CNNM1: variants seen among roughly 807,000 people sequenced by gnomAD.
CNNM1 encodes the protein cyclin and CBS domain divalent metal cation transport mediator 1, also known as metal transporter CNNM1.
CNNM1 carries 44 observed loss-of-function variants against 78.8 expected under a neutral mutation model. That is an observed-to-expected ratio of 0.56 (90% CI 0.44 to 0.72). The LOEUF (loss-of-function observed/expected upper bound fraction) is 0.72. Among genes scored for constraint, CNNM1 ranks in the 30% least tolerant of loss-of-function variants. CNNM1 has a pLI of 0.00. For synonymous variants in CNNM1, 584 were observed against 581.5 expected (o/e 1.00, Z -0.06); for missense variants, 1,101 against 1,292.2 (o/e 0.85, Z 2.27).
chr10:99,370,083 T>C (rs939597168), intron 6 of CNNM1, among the ~76,000 whole-genome samples: 3 of 152,214 alleles, frequency 2.0e-5, no homozygotes, highest in African/African-American at 7.2e-5. Flanking sequence ...AGGTTAATTC[T>C]AGTTCATCTG....
At chr10:99,369,590 G>A (rs1016050143) in intron 6 of CNNM1, among the ~76,000 whole-genome samples, 2 of 152,062 alleles carry the variant, frequency 1.3e-5, no homozygotes, top group Non-Finnish European at 2.9e-5. Flanking sequence ...AAGTATTTAT[G>A]TTGACTTCTG....
At chr10:99,367,233 C>A (rs1327132800) in intron 6 of CNNM1, among the ~76,000 whole-genome samples, 2 of 152,142 alleles carry the variant, frequency 1.3e-5, no homozygotes, top group African/African-American at 2.4e-5. Context: ...GCAATAAAAT[C>A]TTGTAGGGTC....
chr10:99,341,606 A>C (rs1198894800), intron 1 of CNNM1, among the ~76,000 whole-genome samples: 3 of 152,190 alleles, frequency 2.0e-5, no homozygotes, highest in Non-Finnish European at 4.4e-5. Context: ...GCCTTAAAGA[A>C]GGAGAAGGAC....
intron 7 of CNNM1, among the ~76,000 whole-genome samples, chr10:99,383,206 G>A (rs545600881): frequency 6.6e-6 from 1 of 152,180 alleles, no homozygotes; most frequent in Non-Finnish European, 1.5e-5. Flanking sequence ...TTAAATAATA[G>A]TGACCAATGC....
At chr10:99,356,586 A>AAGAAAGAAAGAAAG (rs2031206232) in intron 1 of CNNM1, among the ~76,000 whole-genome samples, 1 of 125,856 alleles carries the variant, frequency 7.9e-6, no homozygotes, top group African/African-American at 3.3e-5. Context: ...GAAAGAAAGA[A>AAGAAAGAAAGAAAG]AGAAAGAAAG....
chr10:99,373,118 G>T (rs1330239801), intron 6 of CNNM1, among the ~76,000 whole-genome samples: 1 of 152,178 alleles, frequency 6.6e-6, no homozygotes, highest in Non-Finnish European at 1.5e-5. Context: ...GTTTTCAACA[G>T]GAGAAGCTTC....
chr10:99,370,770 T>C (rs746162538), intron 6 of CNNM1, among the ~76,000 whole-genome samples: 51 of 152,236 alleles, frequency 3.4e-4, no homozygotes, highest in Non-Finnish European at 7.1e-4. Flanking sequence ...AGTGGAAATA[T>C]TGATTTCTGA....
intron 2 of CNNM1, 110 bp from the exon 3 acceptor site, chr10:99,360,725 C>T: frequency 7.4e-7 from 1 of 1,352,846 alleles, no homozygotes; most frequent in Non-Finnish European, 1.0e-6. Flanking sequence ...TGATGTCACC[C>T]ATAGTTGACA....
intron 7 of CNNM1, among the ~76,000 whole-genome samples, chr10:99,382,297 T>A (rs1042476636): frequency 1.3e-5 from 2 of 152,236 alleles, no homozygotes; most frequent in African/African-American, 4.8e-5. Context: ...CAAAGAATTC[T>A]TATGAAGTAA....
intron 1 of CNNM1, among the ~76,000 whole-genome samples, chr10:99,353,690 T>C (rs1421604296): frequency 6.6e-6 from 1 of 152,216 alleles, no homozygotes; most frequent in Non-Finnish European, 1.5e-5. Context: ...ATAAGGATTG[T>C]GATTGACAAT....
chr10:99,354,733 A>G (rs1202064607), intron 1 of CNNM1, among the ~76,000 whole-genome samples: 1 of 152,140 alleles, frequency 6.6e-6, no homozygotes, highest in Non-Finnish European at 1.5e-5. Flanking sequence ...GCAGTGGGGA[A>G]GAGAAATCAA....
chr10:99,391,559 C>T lies in CNNM1; in HGVS notation c.*43C>T. ...TCACTGGGTGTGTGAAATTCCAGAG[C>T]TTTGGGGGAGAATCCACCCTCCCAT... On this transcript the variant is annotated 3_prime_UTR_variant, in exon 11 of 11. Coordinates refer to ENST00000356713, the MANE Select transcript of CNNM1 (RefSeq NM_020348.3). The T allele has an allele frequency of 1.3e-6, 2 of 1,550,068 alleles. No homozygotes were observed. The highest frequency in any genetic ancestry group is 2.2e-5 in the East Asian group (1 of 44,472).
chr10:99,335,074 A>G (rs1313080607), intron 1 of CNNM1, among the ~76,000 whole-genome samples: 1 of 152,236 alleles, frequency 6.6e-6, no homozygotes, highest in African/African-American at 2.4e-5. Flanking sequence ...TGCCACCCAC[A>G]GGGTTCAAAG....
At chr10:99,338,112 C>G (rs1312929017) in intron 1 of CNNM1, among the ~76,000 whole-genome samples, 1 of 152,148 alleles carries the variant, frequency 6.6e-6, no homozygotes, top group Non-Finnish European at 1.5e-5. Context: ...AGAAGGCAAG[C>G]TGGACACTCA....
intron 6 of CNNM1, among the ~76,000 whole-genome samples, chr10:99,375,780 G>A (rs552992716): frequency 5.3e-5 from 8 of 152,282 alleles, no homozygotes; most frequent in Non-Finnish European, 7.4e-5. Flanking sequence ...TGAGGCCCCT[G>A]AGCTAAATCT....
intron 7 of CNNM1, among the ~76,000 whole-genome samples, chr10:99,381,976 C>G (rs4130309): frequency 0.032 from 4,855 of 152,110 alleles, 250 homozygotes; most frequent in African/African-American, 0.11. Flanking sequence ...CATTTATCTA[C>G]TTCCCTCACC....
At chr10:99,366,671 A>G (rs1006588114) in intron 6 of CNNM1, among the ~76,000 whole-genome samples, 1 of 152,112 alleles carries the variant, frequency 6.6e-6, no homozygotes, top group African/African-American at 2.4e-5. Context: ...GATCCCAGCT[A>G]CTAGGGAGGC....
At chr10:99,332,670 A>G (rs1044078951) in intron 1 of CNNM1, among the ~76,000 whole-genome samples, 2 of 152,250 alleles carry the variant, frequency 1.3e-5, no homozygotes, top group African/African-American at 4.8e-5. Flanking sequence ...TTGAAATCAT[A>G]TTAAATATTA....
chr10:99,358,746 A>G (rs1043908011), intron 2 of CNNM1, among the ~76,000 whole-genome samples: 2 of 151,998 alleles, frequency 1.3e-5, no homozygotes, highest in Non-Finnish European at 2.9e-5. Context: ...GAGCTCGGAA[A>G]TGTCCTCTCC....
Sources: allele counts gnomAD v4.1 joint callset (sites outside exome capture counted in the v4.1 genomes callset), GRCh38; gene constraint gnomAD v4.1.1; transcripts MANE v1.5; gene names NCBI Gene and HGNC (gene_info 2026-07-23, HGNC 2026-07-21).